OTUD7A: variants seen among roughly 807,000 people sequenced by gnomAD.
OTUD7A encodes OTU deubiquitinase 7A.
OTUD7A carries 12 observed loss-of-function variants against 65.7 expected under a neutral mutation model. The observed-to-expected ratio is 0.18, with a 90% CI of 0.12 to 0.30. The LOEUF (loss-of-function observed/expected upper bound fraction) is 0.30. OTUD7A is among the 10% of genes least tolerant of loss of function. OTUD7A has a pLI of 1.00. For synonymous variants in OTUD7A, 641 were observed against 586.3 expected, an observed-to-expected ratio of 1.09 and a Z score of -1.35; for missense variants, 1,148 against 1,304.8, an observed-to-expected ratio of 0.88 and a Z score of 1.85.
intron 1 of OTUD7A, among the ~76,000 whole-genome samples, chr15:31,775,663 C>T (rs963607131): frequency 2.0e-5 from 3 of 152,210 alleles, no homozygotes; most frequent in African/African-American, 7.2e-5. Flanking sequence ...GAGGATACTA[C>T]TCTCCTAACC....
chr15:31,819,609 C>G (rs777139195), intron 1 of OTUD7A, among the ~76,000 whole-genome samples: 1 of 151,936 alleles, frequency 6.6e-6, no homozygotes, highest in Non-Finnish European at 1.5e-5. Flanking sequence ...TTTATTTTGT[C>G]TATCTGTGTA....
chr15:31,512,369 C>T (rs1026531920), intron 8 of OTUD7A, among the ~76,000 whole-genome samples: 1 of 152,174 alleles, frequency 6.6e-6, no homozygotes, highest in Admixed American at 6.5e-5. Flanking sequence ...GAGAATGTAT[C>T]CCCATACGGG....
At chr15:31,539,236 T>C (rs564982550) in intron 5 of OTUD7A, among the ~76,000 whole-genome samples, 6 of 152,236 alleles carry the variant, frequency 3.9e-5, no homozygotes, top group Admixed American at 1.3e-4. Context: ...GCTTTCTCTC[T>C]CCCCAACCTG....
At chr15:31,833,925 G>C (rs970113550) in intron 1 of OTUD7A, among the ~76,000 whole-genome samples, 1 of 152,182 alleles carries the variant, frequency 6.6e-6, no homozygotes, top group Admixed American at 6.5e-5. Context: ...TTTTTGGGGG[G>C]TCCTCCCCTA....
chr15:31,507,641 CG>C (rs986075335), intron 8 of OTUD7A, among the ~76,000 whole-genome samples: 6 of 12,184 alleles, frequency 4.9e-4, no homozygotes, highest in South Asian at 1.8e-3. Context: ...GGCTGGGGGG[CG>C]GGGGTGGCAA....
At chr15:31,570,330 T>C in intron 3 of OTUD7A, 133 bp from the exon 4 acceptor site, 1 of 1,054,782 alleles carries the variant, frequency 9.5e-7, no homozygotes, top group Non-Finnish European at 1.4e-6. Flanking sequence ...GTTCTTGTTT[T>C]TCAAAGGGGA....
Position 31,487,309 on chromosome 15 carries a change from G to T in OTUD7A, c.1287-31C>A, listed in dbSNP as rs547761861. ...AAGAGAAGAATATCCTATTGAAATG[G>T]TCTGAGCTGGCCCTTATAGCACCCA... On this transcript the variant is annotated intron_variant, in intron 11 of 12. Coordinates refer to ENST00000307050, the MANE Select transcript of OTUD7A (RefSeq NM_001382637.1). The surrounding 1 kb of genome is among the most constrained non-coding windows in gnomAD (Gnocchi z 6.0). 1.9e-6 allele frequency: 3 copies of T among 1,610,570 alleles called. No homozygotes were observed. Among genetic ancestry groups the T allele is most frequent in the African/African-American group, 2.7e-5 (2 of 74,846 alleles).
chr15:31,808,415 C>A (rs920269556), intron 1 of OTUD7A, among the ~76,000 whole-genome samples: 17 of 152,166 alleles, frequency 1.1e-4, no homozygotes, highest in African/African-American at 3.1e-4. Flanking sequence ...TGAGCCGCGA[C>A]AAGCTTCTCA....
At chr15:31,820,588 T>C (rs971059660) in intron 1 of OTUD7A, among the ~76,000 whole-genome samples, 3 of 152,194 alleles carry the variant, frequency 2.0e-5, no homozygotes, top group Non-Finnish European at 4.4e-5. Context: ...CATGGATACC[T>C]ATTGCTCTCT....
At chr15:31,726,993 C>A (rs34252747) in intron 1 of OTUD7A, among the ~76,000 whole-genome samples, 9 of 152,238 alleles carry the variant, frequency 5.9e-5, no homozygotes, top group African/African-American at 2.2e-4. Flanking sequence ...TTTGACTCCT[C>A]ATCAGAGAGG....
rs374527538 is a variant in OTUD7A, at chr15:31,549,350, CTG to C, written c.550+9617_550+9618del. Reference sequence around the variant, plus strand: ...AATTATCATACTGCAAGTAATGACACTGTATCTGTGGCAGGCAGAATTCTAAA... The same window carrying C: ...AATTATCATACTGCAAGTAATGACACTATCTGTGGCAGGCAGAATTCTAAA... On this transcript the variant is annotated intron_variant, in intron 5 of 12. Transcript: ENST00000307050. Among the ~76,000 whole-genome samples, 10 of 152,296 alleles carry C rather than the reference CTG, an allele frequency of 6.6e-5. No homozygotes were observed. The East Asian group carries it at 1.4e-3, about 21-fold the overall frequency.
chr15:31,505,893 G>A (rs1309742497), intron 8 of OTUD7A, among the ~76,000 whole-genome samples: 3 of 151,938 alleles, frequency 2.0e-5, no homozygotes, highest in Non-Finnish European at 4.4e-5. Flanking sequence ...GGGACTACAG[G>A]CGCCCGCCAC....
intron 3 of OTUD7A, among the ~76,000 whole-genome samples, chr15:31,608,171 C>T (rs1302695410): frequency 2.0e-5 from 3 of 152,138 alleles, no homozygotes; most frequent in Admixed American, 6.5e-5. Flanking sequence ...CGCTTGAACC[C>T]GGGAGACGGA....
intron 3 of OTUD7A, among the ~76,000 whole-genome samples, chr15:31,646,010 C>T (rs934164189): frequency 6.6e-5 from 10 of 152,188 alleles, no homozygotes; most frequent in Admixed American, 2.0e-4. Context: ...CCTCCTCTTT[C>T]CTGCCTAATC....
chr15:31,766,833 T>A (rs560865721), intron 1 of OTUD7A: 2 of 1,612,358 alleles, frequency 1.2e-6, no homozygotes, highest in Non-Finnish European at 1.7e-6. Context: ...TATTATTTTG[T>A]CCTTCTATGT....
chr15:31,542,126 A>G (rs1013938742), intron 5 of OTUD7A, among the ~76,000 whole-genome samples: 1 of 152,154 alleles, frequency 6.6e-6, no homozygotes, highest in Non-Finnish European at 1.5e-5. Context: ...AGGCCACACA[A>G]GAGTCCCACA....
chr15:31,497,662 T>A (rs2041408193), intron 10 of OTUD7A, among the ~76,000 whole-genome samples: 1 of 152,148 alleles, frequency 6.6e-6, no homozygotes, highest in South Asian at 2.1e-4. Flanking sequence ...GAGTCCTGGG[T>A]CTGAGACGCT....
At chr15:31,577,789 C>T (rs1391017689) in intron 3 of OTUD7A, among the ~76,000 whole-genome samples, 1 of 149,760 alleles carries the variant, frequency 6.7e-6, no homozygotes, top group East Asian at 2.0e-4. Flanking sequence ...TAATTTATTC[C>T]TCTAACTTAT....
intron 1 of OTUD7A, among the ~76,000 whole-genome samples, chr15:31,851,426 T>C (rs1178811046): frequency 6.6e-6 from 1 of 152,198 alleles, no homozygotes; most frequent in Non-Finnish European, 1.5e-5. Flanking sequence ...ATAGAATCAA[T>C]GTCATACATG....
Sources: allele counts gnomAD v4.1 joint callset (sites outside exome capture counted in the v4.1 genomes callset), GRCh38; gene constraint gnomAD v4.1.1; non-coding constraint Gnocchi (gnomAD v3.1); transcripts MANE v1.5; gene names NCBI Gene and HGNC (gene_info 2026-07-23, HGNC 2026-07-21).